The following EPN2 variants were observed in gnomAD, a reference collection of about 807,000 sequenced individuals.
The protein encoded by EPN2 is epsin 2.
Under a neutral mutation model 61.7 loss-of-function variants are expected in EPN2, and 34 were observed. That is an observed-to-expected ratio of 0.55 (90% confidence interval 0.42 to 0.73). The LOEUF (loss-of-function observed/expected upper bound fraction) is 0.73. Ranked by LOEUF, EPN2 falls within the 30% of genes least tolerant of loss-of-function variation. The pLI, the probability that EPN2 is intolerant of heterozygous loss-of-function variation, is 0.00. For synonymous variants in EPN2, 349 were observed against 353.6 expected (o/e 0.99, Z 0.15); for missense variants, 714 against 839.2 (o/e 0.85, Z 1.84).
chr17:19,328,779 A>G lies in EPN2; in HGVS notation c.1216A>G (p.Lys406Glu). Reference sequence around the variant, plus strand: ...TGGAGCCACCGTACAATCTGTCCCCAAGAACTCGGACCCCTGGGCAGCTTC... The same window carrying G: ...TGGAGCCACCGTACAATCTGTCCCCGAGAACTCGGACCCCTGGGCAGCTTC... Reference protein sequence around the residue: ...PTGATVQSVPKNSDPWAASQQ... With the variant: ...PTGATVQSVPENSDPWAASQQ... Residue 406 changes from lysine (K) to glutamate (E), a missense_variant, in exon 8 of 11, where the codon AAG becomes GAG. By Grantham distance (56) the Lys-to-Glu change is moderately conservative. Around this residue, in one of 2 missense-constraint regions of EPN2, gnomAD observed 410 missense variants for 421.8 expected, o/e 0.97. Transcript: ENST00000314728. The G allele has an allele frequency of 6.2e-7, 1 of 1,613,550 alleles. No individual in the cohort carries two copies. Among genetic ancestry groups the G allele is most frequent in the Non-Finnish European group, 8.5e-7 (1 of 1,179,646 alleles).
At chr17:19,280,617 A>C (rs188555631) in intron 1 of EPN2, among the ~76,000 whole-genome samples, 1 of 152,274 alleles carries the variant, frequency 6.6e-6, no homozygotes, top group East Asian at 1.9e-4. Flanking sequence ...CCAGGGTGAA[A>C]TTTTATGAGC....
At chr17:19,287,107 G>T (rs144244934) in intron 4 of EPN2, among the ~76,000 whole-genome samples, 1 of 152,070 alleles carries the variant, frequency 6.6e-6, no homozygotes, top group Non-Finnish European at 1.5e-5. Context: ...TTCCTGGGAC[G>T]TTTGCATGTT....
At chr17:19,304,720 A>G (rs568790568) in intron 4 of EPN2, among the ~76,000 whole-genome samples, 3 of 152,306 alleles carry the variant, frequency 2.0e-5, no homozygotes, top group African/African-American at 7.2e-5. Flanking sequence ...CTGATGTGGG[A>G]GCAGAAGCTC....
intron 1 of EPN2, among the ~76,000 whole-genome samples, chr17:19,274,935 AT>A (rs1307789712): frequency 7.2e-5 from 11 of 151,956 alleles, no homozygotes; most frequent in African/African-American, 2.7e-4. Context: ...TCTCATTTGA[AT>A]TCTGACTGTG....
chr17:19,258,862 A>G (rs1196218179), intron 1 of EPN2, among the ~76,000 whole-genome samples: 1 of 152,220 alleles, frequency 6.6e-6, no homozygotes, highest in Non-Finnish European at 1.5e-5. Context: ...GAGTGCAGCC[A>G]CAGGGGTGAG....
rs1451934979 is a variant in EPN2 at position 19,335,278 on chromosome 17, T to C, written c.*1024T>C. The C allele has an allele frequency of 9.7e-6, 9 of 924,266 alleles. No individual in the cohort carries two copies. Among genetic ancestry groups the C allele is most frequent in the Non-Finnish European group, 1.4e-5 (9 of 636,856 alleles). The allele number at this position is 924,266 out of a possible 1,614,324, so 57.3% of individuals were successfully genotyped here. On this transcript the variant is annotated 3_prime_UTR_variant, in exon 11 of 11. Coordinates refer to ENST00000314728, the MANE Select transcript of EPN2 (RefSeq NM_014964.5). ...ACTAAACTGATTGACTTTCAGCCTT[T>C]TTGGCTAGATCCTGAGAGGCTATTT...
chr17:19,275,677 A>G (rs1208604718), intron 1 of EPN2, among the ~76,000 whole-genome samples: 5 of 152,192 alleles, frequency 3.3e-5, no homozygotes, highest in Admixed American at 6.5e-5. Context: ...ACTCCTGGCC[A>G]GTTTCCCAAG....
At position 19,283,070 on chromosome 17, in the gene EPN2, G is replaced by C. The variant is rs369570216; in HGVS notation, c.-50G>C. The C allele has an allele frequency of 2.3e-5, 32 of 1,402,356 alleles. No homozygotes were observed. The highest frequency in any genetic ancestry group is 3.1e-5 in the Non-Finnish European group (31 of 1,014,828). 86.9% of individuals were successfully genotyped at this position (1,402,356 alleles called of 1,614,324 possible). On this transcript the variant is annotated 5_prime_UTR_variant, in exon 3 of 11. Transcript: ENST00000314728. This position sits in a 1 kb window ranked among gnomAD's most constrained non-coding sequence, Gnocchi z 7.0. ...TAGGGTGCGCACTTACCAAGGACAGGAAGGTTTCTCTGTTTGAAGGGCTTT... is the reference window on the plus strand; with the variant it reads ...TAGGGTGCGCACTTACCAAGGACAGCAAGGTTTCTCTGTTTGAAGGGCTTT...
intron 1 of EPN2, among the ~76,000 whole-genome samples, chr17:19,240,158 G>A (rs1156842038): frequency 2.0e-5 from 3 of 152,136 alleles, no homozygotes; most frequent in Non-Finnish European, 4.4e-5. Flanking sequence ...CTGGTGTATA[G>A]GGGTGTGAAG....
intron 7 of EPN2, chr17:19,313,539 A>G (rs1906246844): frequency 2.5e-6 from 1 of 402,410 alleles, no homozygotes; most frequent in Non-Finnish European, 4.4e-6. Flanking sequence ...CATTTGCATC[A>G]GAAATGGCTT....
chr17:19,238,091 C>G (rs1426680737), intron 1 of EPN2, among the ~76,000 whole-genome samples: 1 of 152,234 alleles, frequency 6.6e-6, no homozygotes, highest in Non-Finnish European at 1.5e-5. Context: ...GGCCCCCTTC[C>G]GTCCTTGGGG....
At chr17:19,296,434 A>T (rs2045520841) in intron 4 of EPN2, among the ~76,000 whole-genome samples, 1 of 152,126 alleles carries the variant, frequency 6.6e-6, no homozygotes, top group Non-Finnish European at 1.5e-5. Flanking sequence ...TACAGACGTG[A>T]GCCACTGCGC....
intron 7 of EPN2, among the ~76,000 whole-genome samples, chr17:19,323,613 G>A (rs952556199): frequency 7.2e-5 from 11 of 152,216 alleles, no homozygotes; most frequent in Admixed American, 3.3e-4. Context: ...CTAACTTATT[G>A]ACAGCAACAG....
In EPN2 at chr17:19,335,863, T is replaced by TA. The variant is rs1298020833; in HGVS notation, c.*1609_*1610insA. ...TCGTGCATTAAAGACCAGAAAAGACTTGCTTTTACCCAGGGAGGGGACATT... is the reference window on the plus strand; with the variant it reads ...TCGTGCATTAAAGACCAGAAAAGACTATGCTTTTACCCAGGGAGGGGACATT... On this transcript the variant is annotated 3_prime_UTR_variant, in exon 11 of 11. Coordinates refer to ENST00000314728, the MANE Select transcript of EPN2 (RefSeq NM_014964.5). 34 of 157,836 alleles carry TA rather than the reference T, an allele frequency of 2.2e-4. No individual in the cohort carries two copies. The highest frequency in any genetic ancestry group is 1.4e-3 in the Admixed American group (21 of 15,488). The allele number at this position is 157,836 out of a possible 1,614,324, so 9.8% of individuals were successfully genotyped here.
intron 4 of EPN2, among the ~76,000 whole-genome samples, chr17:19,300,308 G>T (rs566898220): frequency 4.6e-5 from 7 of 152,242 alleles, no homozygotes; most frequent in Middle Eastern, 3.4e-3. Flanking sequence ...CCATAGGGAA[G>T]GAGTGGTTCA....
At chr17:19,317,791 G>A (rs1906458096) in intron 7 of EPN2, among the ~76,000 whole-genome samples, 1 of 152,212 alleles carries the variant, frequency 6.6e-6, no homozygotes, top group African/African-American at 2.4e-5. Context: ...CCTTGCAGCG[G>A]ATCTACTGTC....
intron 1 of EPN2, among the ~76,000 whole-genome samples, chr17:19,257,172 T>C (rs1455232179): frequency 2.0e-5 from 3 of 151,948 alleles, no homozygotes. Flanking sequence ...AAAAACCCCC[T>C]AGATTTTCAT....
At chr17:19,312,289 G>A in intron 6 of EPN2, 145 bp downstream of exon 6, 1 of 637,468 alleles carries the variant, frequency 1.6e-6, no homozygotes, top group Non-Finnish European at 2.8e-6. Flanking sequence ...GTGAGCGAGA[G>A]CCAGGTGAGC....
intron 1 of EPN2, among the ~76,000 whole-genome samples, chr17:19,266,134 TC>T (rs1386224322): frequency 6.6e-6 from 1 of 152,150 alleles, no homozygotes; most frequent in African/African-American, 2.4e-5. Flanking sequence ...AGACGTGAGT[TC>T]CCTGCTCCAA....
Sources: allele counts gnomAD v4.1 joint callset (sites outside exome capture counted in the v4.1 genomes callset), GRCh38; gene constraint gnomAD v4.1.1; regional missense constraint gnomAD v4.1.1; non-coding constraint Gnocchi (gnomAD v3.1); transcripts MANE v1.5; gene names NCBI Gene and HGNC (gene_info 2026-07-23, HGNC 2026-07-21).